Variants in SOX6 observed in about 807,000 individuals in gnomAD.
SOX6 encodes the protein SRY-box transcription factor 6.
In SOX6, 11 loss-of-function variants were observed where a neutral mutation model predicts 97.8. The ratio of observed to expected loss-of-function variants is 0.11; its 90% confidence interval spans 0.07 to 0.19. SOX6 has a LOEUF of 0.19. Among genes scored for constraint, SOX6 ranks in the 10% least tolerant of loss-of-function variants. The pLI, the probability that SOX6 is intolerant of heterozygous loss-of-function variation, is 1.00. For missense variants in SOX6, 810 were observed against 1,039.5 expected (o/e 0.78, Z 3.04); for synonymous variants, 360 against 371.4 (o/e 0.97, Z 0.35).
intron 5 of SOX6, 134 bp from the exon 6 acceptor site, chr11:16,184,088 G>C: frequency 1.2e-6 from 1 of 808,178 alleles, no homozygotes; most frequent in South Asian, 1.5e-5. Flanking sequence ...AATGAGAGAG[G>C]CCAAATCAGA....
chr11:15,968,043 T>C lies in SOX6; in HGVS notation c.*4766A>G, dbSNP rs1185697700. The C allele has an allele frequency of 6.6e-6, 1 of 152,168 alleles. No homozygotes were observed. The highest frequency in any genetic ancestry group is 1.5e-5 in the Non-Finnish European group (1 of 68,038). The allele number at this position is 152,168 out of a possible 1,614,324, so 9.4% of individuals were successfully genotyped here. On this transcript the variant is annotated 3_prime_UTR_variant, in exon 16 of 16. Coordinates refer to ENST00000683767, the MANE Select transcript of SOX6 (RefSeq NM_001367873.1). Reference sequence around the variant, plus strand: ...ATATCAATATTTTCAATGATATTAGTACAGGGGCACGCTCAATAGGATATG... The same window carrying C: ...ATATCAATATTTTCAATGATATTAGCACAGGGGCACGCTCAATAGGATATG...
intron 4 of SOX6, among the ~76,000 whole-genome samples, chr11:16,525,870 A>T (rs1861152933): frequency 6.7e-6 from 1 of 150,308 alleles, no homozygotes; most frequent in African/African-American, 2.4e-5. Flanking sequence ...CAGCCAAAAG[A>T]CACATGAAAA....
At chr11:16,137,712 A>G (rs1196171784) in intron 6 of SOX6, among the ~76,000 whole-genome samples, 2 of 152,166 alleles carry the variant, frequency 1.3e-5, no homozygotes, top group Non-Finnish European at 2.9e-5. Flanking sequence ...TCCCCACCCA[A>G]ATCTCATCCT....
At chr11:16,525,283 G>A (rs1215312208) in intron 4 of SOX6, among the ~76,000 whole-genome samples, 1 of 151,596 alleles carries the variant, frequency 6.6e-6, no homozygotes, top group Non-Finnish European at 1.5e-5. Flanking sequence ...CCAAAACAGA[G>A]ATATAGATCA....
intron 4 of SOX6, among the ~76,000 whole-genome samples, chr11:16,203,042 A>G (rs1222716000): frequency 6.6e-6 from 1 of 152,168 alleles, no homozygotes; most frequent in Non-Finnish European, 1.5e-5. Context: ...TAAAAGCCAC[A>G]GAAAAGGTAG....
chr11:16,402,564 T>A, intron 1 of SOX6: 1 of 1,264,460 alleles, frequency 7.9e-7, no homozygotes, highest in Admixed American at 1.7e-5. Context: ...CACACTGGAA[T>A]CTCAGAGATG....
chr11:16,535,422 C>CA (rs1861293052), intron 4 of SOX6, among the ~76,000 whole-genome samples: 1 of 152,114 alleles, frequency 6.6e-6, no homozygotes, highest in African/African-American at 2.4e-5. Flanking sequence ...CCTGTAGTCC[C>CA]AGCACTTTGG....
chr11:16,680,586 A>C (rs1041891435), intron 3 of SOX6, among the ~76,000 whole-genome samples: 1 of 152,222 alleles, frequency 6.6e-6, no homozygotes, highest in Admixed American at 6.5e-5. Flanking sequence ...TCATAATGAC[A>C]TGATCAGATT....
At chr11:16,440,670 C>A (rs1859487724) in intron 1 of SOX6, among the ~76,000 whole-genome samples, 1 of 152,132 alleles carries the variant, frequency 6.6e-6, no homozygotes, top group Non-Finnish European at 1.5e-5. Flanking sequence ...AAGTCCATTT[C>A]TTTTTGCCCT....
rs546887878 is a variant in SOX6 at position 16,064,220 on chromosome 11, A to G, written c.1102-8319T>C. 5.3e-5 allele frequency among the ~76,000 whole-genome samples: 8 copies of G among 151,796 alleles called. No homozygotes were observed. The East Asian group carries it at 1.5e-3, about 29-fold the overall frequency. On this transcript the variant is annotated intron_variant, in intron 9 of 15. Coordinates refer to ENST00000683767, the MANE Select transcript of SOX6 (RefSeq NM_001367873.1). The stretch of plus-strand genomic sequence containing the variant: ...ATAGACTGATAAGATAAAAAGAAGA[A>G]CTATGCAAAGTATAAGTAGACAGAG...
chr11:16,370,032 G>T (rs1857461150), intron 1 of SOX6, among the ~76,000 whole-genome samples: 1 of 151,966 alleles, frequency 6.6e-6, no homozygotes, highest in African/African-American at 2.4e-5. Flanking sequence ...ACCAGCACCA[G>T]CTGGCCACCA....
intron 4 of SOX6, among the ~76,000 whole-genome samples, chr11:16,493,802 T>A (rs1220432030): frequency 6.6e-6 from 1 of 152,156 alleles, no homozygotes; most frequent in Non-Finnish European, 1.5e-5. Context: ...TTCTCAAACA[T>A]TATTGTTAGG....
chr11:16,647,082 C>T (rs1024803359), intron 3 of SOX6, among the ~76,000 whole-genome samples: 6 of 152,124 alleles, frequency 3.9e-5, no homozygotes, highest in African/African-American at 1.4e-4. Context: ...GTCATTCTTG[C>T]AGAAGTAAGG....
chr11:16,229,658 T>C (rs1457432190), intron 4 of SOX6, among the ~76,000 whole-genome samples: 3 of 151,920 alleles, frequency 2.0e-5, no homozygotes, highest in Non-Finnish European at 4.4e-5. Context: ...TTTGAAAATC[T>C]CATGAGATAT....
intron 3 of SOX6, among the ~76,000 whole-genome samples, chr11:16,624,807 T>A (rs1342763347): frequency 6.6e-6 from 1 of 152,228 alleles, no homozygotes; most frequent in Non-Finnish European, 1.5e-5. Context: ...GTTTGTTTGG[T>A]CAGTTTTTTA....
At chr11:16,007,837 GC>G (rs1411948797) in intron 13 of SOX6, among the ~76,000 whole-genome samples, 2 of 152,128 alleles carry the variant, frequency 1.3e-5, no homozygotes, top group Admixed American at 6.6e-5. Flanking sequence ...CATACATACT[GC>G]TGAGGAAGCA....
intron 3 of SOX6, among the ~76,000 whole-genome samples, chr11:16,301,979 C>A (rs1855272953): frequency 2.0e-5 from 3 of 152,068 alleles, no homozygotes; most frequent in Admixed American, 2.0e-4. Flanking sequence ...AATAGCCCCA[C>A]CATTAAATCT....
intron 3 of SOX6, among the ~76,000 whole-genome samples, chr11:16,684,426 T>C (rs1398817474): frequency 6.6e-6 from 1 of 152,200 alleles, no homozygotes; most frequent in Non-Finnish European, 1.5e-5. Flanking sequence ...TCATGTCCTT[T>C]GTAGGGACAT....
chr11:16,429,594 CAT>C (rs1346943991), intron 1 of SOX6, among the ~76,000 whole-genome samples: 2 of 152,140 alleles, frequency 1.3e-5, no homozygotes, highest in African/African-American at 4.8e-5. Flanking sequence ...CCAAATACCA[CAT>C]GTTATCACTT....
Sources: allele counts gnomAD v4.1 joint callset (sites outside exome capture counted in the v4.1 genomes callset), GRCh38; gene constraint gnomAD v4.1.1; transcripts MANE v1.5; gene names NCBI Gene and HGNC (gene_info 2026-07-23, HGNC 2026-07-21).